The following IQCH variants were observed in gnomAD, a reference collection of about 807,000 sequenced individuals.
IQCH encodes the protein IQ domain-containing protein H.
IQCH carries 98 observed loss-of-function variants against 117.0 expected under a neutral mutation model. The observed-to-expected ratio is 0.84, with a 90% CI of 0.71 to 0.99. The LOEUF (loss-of-function observed/expected upper bound fraction) is 0.99. Among genes scored for constraint, IQCH ranks in the 50% least tolerant of loss-of-function variants. The probability of loss-of-function intolerance (pLI) is 0.00; values close to 1 mark genes in which losing one functional copy is unlikely to be tolerated. For missense variants in IQCH, 1,102 were observed against 1,243.8 expected (o/e 0.89, Z 1.72); for synonymous variants, 412 against 448.2 (o/e 0.92, Z 1.02).
intron 7 of IQCH, 32 bp downstream of exon 7, chr15:67,357,453 T>G (rs761777679): frequency 9.0e-6 from 12 of 1,334,284 alleles, no homozygotes; most frequent in Middle Eastern, 1.8e-4. Context: ...GAAAGAAAAT[T>G]ATTCTTATTT....
intron 18 of IQCH, among the ~76,000 whole-genome samples, chr15:67,482,770 C>T (rs1168879582): frequency 2.6e-5 from 4 of 151,986 alleles, no homozygotes; most frequent in East Asian, 1.9e-4. Flanking sequence ...TAAGATGCTA[C>T]GTGGGAAACG....
rs183061744 is a variant in IQCH, at chr15:67,332,476, C to G, written c.388-4499C>G. Among the ~76,000 whole-genome samples the G allele has an allele frequency of 6.4e-4, 98 of 152,230 alleles. No individual in the cohort carries two copies. The East Asian group carries it at 0.013, about 21-fold the overall frequency. ...AATTCTAGTAAAGTACACATGAACA[C>G]TTGTTGGGAAAAACTACTTGATAAC... On this transcript the variant is annotated intron_variant, in intron 4 of 20. Transcript: ENST00000335894.
chr15:67,434,785 C>CTTTTTTT (rs775675138), intron 16 of IQCH, among the ~76,000 whole-genome samples: 20 of 126,838 alleles, frequency 1.6e-4, no homozygotes, highest in East Asian at 4.6e-4. Flanking sequence ...CTTTTCTTTT[C>CTTTTTTT]TTTTTTTTTT....
intron 4 of IQCH, among the ~76,000 whole-genome samples, chr15:67,310,044 T>C (rs1024677687): frequency 3.3e-5 from 5 of 151,920 alleles, no homozygotes; most frequent in African/African-American, 9.7e-5. Flanking sequence ...TTCACACTTA[T>C]GCTTTTAGAA....
rs1375381734 is a variant in IQCH at position 67,357,365 on chromosome 15, G to C, written c.658G>C (p.Glu220Gln). The change falls in exon 7 of 21, where the codon GAA becomes CAA. Residue 220 changes from glutamate (E) to glutamine (Q), a missense_variant. Transcript: ENST00000335894. ...CACAGCCACTTTCACTATACCTCGG[G>C]AACCACCTCCATCTCCAGCAGAAGT... Reference protein sequence around the residue: ...PTVATFTIPREPPPSPAEVKF... With the variant: ...PTVATFTIPRQPPPSPAEVKF... 3.1e-6 allele frequency: 5 copies of C among 1,610,430 alleles called. No individual in the cohort carries two copies. The highest frequency in any genetic ancestry group is 4.5e-5 in the East Asian group (2 of 44,886).
At chr15:67,262,192 A>G (rs1489092161) in intron 2 of IQCH, among the ~76,000 whole-genome samples, 1 of 152,250 alleles carries the variant, frequency 6.6e-6, no homozygotes, top group Non-Finnish European at 1.5e-5. Context: ...GGTAAAACTA[A>G]AGAAATATAC....
chr15:67,263,367 G>A, intron 3 of IQCH, 151 bp downstream of exon 3: 2 of 595,112 alleles, frequency 3.4e-6, no homozygotes, highest in Non-Finnish European at 3.0e-6. Flanking sequence ...TGCATAAGAA[G>A]TTAATGGTAG....
intron 4 of IQCH, among the ~76,000 whole-genome samples, chr15:67,322,360 T>G (rs1968175154): frequency 6.6e-6 from 1 of 152,242 alleles, no homozygotes; most frequent in Non-Finnish European, 1.5e-5. Context: ...GTTGTTACTT[T>G]CAACCTGTGT....
At chr15:67,301,401 GTTTT>G (rs10663973) in intron 4 of IQCH, among the ~76,000 whole-genome samples, 1 of 75,338 alleles carries the variant, frequency 1.3e-5, no homozygotes, top group Non-Finnish European at 2.3e-5. Flanking sequence ...GTTATGTTAA[GTTTT>G]TTTTTTTTTT....
In IQCH at chr15:67,359,881, G is replaced by A; in HGVS notation, c.749G>A (p.Arg250Lys). 1 of 1,583,018 alleles carries A rather than the reference G, an allele frequency of 6.3e-7. No individual in the cohort carries two copies. Among genetic ancestry groups the A allele is most frequent in the Non-Finnish European group, 8.6e-7 (1 of 1,159,982 alleles). Residue 250 changes from arginine (R) to lysine (K), a missense_variant, in exon 8 of 21, where the codon AGG becomes AAG. By Grantham distance (26) the Arg-to-Lys change is conservative. This residue lies in a region of IQCH where 452 missense variants were observed against 449.6 expected (regional missense o/e 1.01). Transcript: ENST00000335894. This position sits in a 1 kb window ranked among gnomAD's most constrained non-coding sequence, Gnocchi z 4.5. Reference sequence around the variant, plus strand: ...AGAAGGTCAAGAGGACATCATGATAGGAAGGTCTGTAATTTGTGTGACTAG... The same window carrying A: ...AGAAGGTCAAGAGGACATCATGATAAGAAGGTCTGTAATTTGTGTGACTAG... ...KSRRSRGHHDRKAMKVKTPLR... is the reference protein window; with the variant it reads ...KSRRSRGHHDKKAMKVKTPLR...
intron 10 of IQCH, among the ~76,000 whole-genome samples, chr15:67,377,132 GAAAA>G (rs1391146928): frequency 1.4e-5 from 2 of 140,344 alleles, no homozygotes; most frequent in Non-Finnish European, 3.1e-5. Flanking sequence ...AAAAAAAAAA[GAAAA>G]AAAGAAAAAA....
intron 18 of IQCH, among the ~76,000 whole-genome samples, chr15:67,486,675 A>T (rs2083489798): frequency 6.6e-6 from 1 of 152,264 alleles, no homozygotes; most frequent in African/African-American, 2.4e-5. Context: ...TATAATGAAA[A>T]CCACTAATGT....
chr15:67,496,614 G>A lies in IQCH; in HGVS notation c.2970+2248G>A, dbSNP rs1049492265. ...AATCCCAGCACTTTGGGAGGCCAAG[G>A]TGGGAGGATTACTTGCACTCAGGAG... On this transcript the variant is annotated intron_variant, in intron 20 of 20. Transcript: ENST00000335894. This position sits in a 1 kb window ranked among gnomAD's most constrained non-coding sequence, Gnocchi z 4.4. 9.9e-5 allele frequency among the ~76,000 whole-genome samples: 15 copies of A among 152,180 alleles called. No individual in the cohort carries two copies. Among genetic ancestry groups the A allele is most frequent in the African/African-American group, 3.4e-4 (14 of 41,430 alleles).
rs1356588523 is a variant in IQCH, at chr15:67,496,215, G to A, written c.2970+1849G>A. Among the ~76,000 whole-genome samples, 1 of 152,170 alleles carries A rather than the reference G, an allele frequency of 6.6e-6. No individual in the cohort carries two copies. Among genetic ancestry groups the A allele is most frequent in the Admixed American group, 6.5e-5 (1 of 15,268 alleles). On this transcript the variant is annotated intron_variant, in intron 20 of 20. Coordinates refer to ENST00000335894, the MANE Select transcript of IQCH (RefSeq NM_001031715.3). This position sits in a 1 kb window ranked among gnomAD's most constrained non-coding sequence, Gnocchi z 4.4. ...GCCTGTAGTCCCAGCTACTTGGGGG[G>A]CTGAGGTGGGAGAATCATTTGAGCC...
Position 67,452,631 on chromosome 15 carries a change from G to A in IQCH, c.2506-12496G>A, listed in dbSNP as rs893864178. Among the ~76,000 whole-genome samples the A allele has an allele frequency of 2.5e-4, 38 of 152,346 alleles. 1 individual carries two copies. Among genetic ancestry groups the A allele is most frequent in the Middle Eastern group, 3.4e-3 (1 of 294 alleles). Reference sequence around the variant, plus strand: ...ATGGGCTTCCCTTTGTGGGTAACCCGACCTTTCTCTCTGGCTGCCCTTAAC... The same window carrying A: ...ATGGGCTTCCCTTTGTGGGTAACCCAACCTTTCTCTCTGGCTGCCCTTAAC... On this transcript the variant is annotated intron_variant, in intron 16 of 20. Transcript: ENST00000335894.
rs1424058767 is a variant in IQCH, at chr15:67,436,116, A to C, written c.2505+14539A>C. On this transcript the variant is annotated intron_variant, in intron 16 of 20. Transcript: ENST00000335894. This position sits in a 1 kb window ranked among gnomAD's most constrained non-coding sequence, Gnocchi z 5.1. ...CCACTGGTTGCTTCTCTCATTGATC[A>C]TGTCCACAAGACTCTCCAGAACACA... Among the ~76,000 whole-genome samples, 1 of 152,124 alleles carries C rather than the reference A, an allele frequency of 6.6e-6. No homozygotes were observed. Among genetic ancestry groups the C allele is most frequent in the African/African-American group, 2.4e-5 (1 of 41,418 alleles).
intron 6 of IQCH, among the ~76,000 whole-genome samples, chr15:67,352,207 A>G (rs939426895): frequency 2.0e-5 from 3 of 152,176 alleles, no homozygotes; most frequent in African/African-American, 4.8e-5. Flanking sequence ...GTTAATAAAT[A>G]TCTGTACTTT....
intron 8 of IQCH, among the ~76,000 whole-genome samples, chr15:67,367,998 A>G (rs528149954): frequency 2.0e-5 from 3 of 152,214 alleles, no homozygotes; most frequent in Non-Finnish European, 4.4e-5. Context: ...AGTAAAAACC[A>G]CATTGACTAG....
intron 4 of IQCH, among the ~76,000 whole-genome samples, chr15:67,309,576 G>C (rs1166748203): frequency 3.3e-5 from 5 of 152,002 alleles, no homozygotes; most frequent in Admixed American, 3.3e-4. Flanking sequence ...CTGGCTCCTA[G>C]TAGGCCTAGT....
Sources: allele counts gnomAD v4.1 joint callset (sites outside exome capture counted in the v4.1 genomes callset), GRCh38; gene constraint gnomAD v4.1.1; regional missense constraint gnomAD v4.1.1; non-coding constraint Gnocchi (gnomAD v3.1); transcripts MANE v1.5; gene names NCBI Gene and HGNC (gene_info 2026-07-23, HGNC 2026-07-21).